Variants in DNAJA2 observed in about 807,000 individuals in gnomAD.
The protein encoded by DNAJA2 is dnaJ homolog subfamily A member 2.
In DNAJA2, 6 loss-of-function variants were observed where a neutral mutation model predicts 49.3. That is an observed-to-expected ratio of 0.12 (90% CI 0.07 to 0.24). The LOEUF (loss-of-function observed/expected upper bound fraction) is 0.24. Ranked by LOEUF, DNAJA2 falls within the 10% of genes least tolerant of loss-of-function variation. The pLI is 1.00. For missense variants in DNAJA2, 347 were observed against 516.8 expected, an observed-to-expected ratio of 0.67 and a Z score of 3.19; for synonymous variants, 160 against 172.7, an observed-to-expected ratio of 0.93 and a Z score of 0.58.
chr16:46,973,565 T>G lies in DNAJA2; in HGVS notation c.8A>C (p.Asn3Thr). 6.3e-7 allele frequency: 1 copy of G among 1,596,306 alleles called. No individual in the cohort carries two copies. The highest frequency in any genetic ancestry group is 8.5e-7 in the Non-Finnish European group (1 of 1,175,640). Reference sequence around the variant, plus strand: ...GTCGTACAGCTTCGTGTCAGCCACGTTAGCCATGGCGGCCGGCCGGGCAGT... The same window carrying G: ...GTCGTACAGCTTCGTGTCAGCCACGGTAGCCATGGCGGCCGGCCGGGCAGT... MANVADTKLYDIL... is the reference protein window; with the variant it reads MATVADTKLYDIL... The change falls in exon 1 of 9, where the codon AAC becomes ACC. Residue 3 changes from asparagine (N) to threonine (T), a missense_variant. Coordinates refer to ENST00000317089, the MANE Select transcript of DNAJA2 (RefSeq NM_005880.4).
chr16:46,965,606 G>C (rs1961957901), intron 5 of DNAJA2, among the ~76,000 whole-genome samples: 1 of 152,000 alleles, frequency 6.6e-6, no homozygotes, highest in Non-Finnish European at 1.5e-5. Flanking sequence ...GAAGGCGGGA[G>C]GATCACCTGA....
At chr16:46,967,448 C>T in intron 5 of DNAJA2, 65 bp downstream of exon 5, 1 of 1,596,778 alleles carries the variant, frequency 6.3e-7, no homozygotes, top group Non-Finnish European at 8.5e-7. Flanking sequence ...AAATTGTAAA[C>T]CTCTCCAATA....
chr16:46,956,218 C>T lies in DNAJA2; in HGVS notation c.*811G>A, dbSNP rs1961808338. 1 of 152,068 alleles carries T rather than the reference C, an allele frequency of 6.6e-6. No individual in the cohort carries two copies. The allele number at this position is 152,068 out of a possible 1,614,324, so 9.4% of individuals were successfully genotyped here. A position where few individuals can be genotyped will look rare whatever the true frequency, so the allele number is the denominator to read the frequency against. ...GGCCTCTACAGAGCATCACTGAAGC[C>T]ACTGAAGACTGTCTCTACCAGCCTT... is the stretch of plus-strand genomic sequence containing the variant. On this transcript the variant is annotated 3_prime_UTR_variant, in exon 9 of 9. Transcript: ENST00000317089.
At chr16:46,958,950 A>C in intron 8 of DNAJA2, 53 bp downstream of exon 8, 1 of 1,547,612 alleles carries the variant, frequency 6.5e-7, no homozygotes, top group Non-Finnish European at 8.7e-7. Context: ...AAAAACCAAA[A>C]ACCGAACTCC....
intron 6 of DNAJA2, among the ~76,000 whole-genome samples, chr16:46,963,841 G>A (rs928096607): frequency 6.6e-6 from 1 of 152,198 alleles, no homozygotes; most frequent in African/African-American, 2.4e-5. Context: ...AATCGACAGA[G>A]CAGCAGAGTT....
At chr16:46,958,710 C>T (rs1036791697) in intron 8 of DNAJA2, 18 of 264,454 alleles carry the variant, frequency 6.8e-5, no homozygotes, top group Middle Eastern at 1.1e-3. Context: ...ACCTGGGAGG[C>T]GGGGGGTACA....
chr16:46,967,997 A>G lies in DNAJA2; in HGVS notation c.443+87T>C, dbSNP rs566350491. On this transcript the variant is annotated intron_variant, in intron 4 of 8. Transcript: ENST00000317089. ...CGCACCCAGCCGTAAGTTTTAACTT[A>G]TAACAATTTTTACGTGGTACAGACA... The G allele has an allele frequency of 1.1e-5, 14 of 1,299,766 alleles. No individual in the cohort carries two copies. In the African/African-American group the frequency reaches 1.5e-4, roughly 14 times the overall value. The allele number at this position is 1,299,766 out of a possible 1,614,324, so 80.5% of individuals were successfully genotyped here.
intron 8 of DNAJA2, 66 bp downstream of exon 8, chr16:46,958,937 C>T (rs1361065650): frequency 6.5e-7 from 1 of 1,533,654 alleles, no homozygotes; most frequent in Non-Finnish European, 8.8e-7. Context: ...GAGACCCTGT[C>T]TAAAAAACCA....
In DNAJA2 at chr16:46,955,745, ATAAG is replaced by A. The variant is rs141198509; in HGVS notation, c.*1280_*1283del. On this transcript the variant is annotated 3_prime_UTR_variant, in exon 9 of 9. Coordinates refer to ENST00000317089, the MANE Select transcript of DNAJA2 (RefSeq NM_005880.4). ...GTGCATCTGATGTCTCTTTCCTCAA[ATAAG>A]TGTGTTCTAAAAATACCTACTGAGT... is the stretch of plus-strand genomic sequence containing the variant. 60 of 152,324 alleles carry A rather than the reference ATAAG, an allele frequency of 3.9e-4. No individual in the cohort carries two copies. The highest frequency in any genetic ancestry group is 6.6e-4 in the Non-Finnish European group (45 of 68,028). 9.4% of individuals were successfully genotyped at this position (152,324 alleles called of 1,614,324 possible). A position where few individuals can be genotyped will look rare whatever the true frequency, so the allele number is the denominator to read the frequency against.
intron 3 of DNAJA2, among the ~76,000 whole-genome samples, chr16:46,969,130 A>C (rs569856581): frequency 2.6e-5 from 4 of 152,194 alleles, no homozygotes; most frequent in Non-Finnish European, 5.9e-5. Flanking sequence ...CAGATTAGTA[A>C]TGGTCATCCC....
At chr16:46,971,040 A>T (rs1452720338) in intron 3 of DNAJA2, among the ~76,000 whole-genome samples, 2 of 151,784 alleles carry the variant, frequency 1.3e-5, no homozygotes, top group South Asian at 4.1e-4. Context: ...GGTCTCAAAA[A>T]AAAAAAAAGA....
At chr16:46,960,449 C>T (rs987754396) in intron 6 of DNAJA2, among the ~76,000 whole-genome samples, 1 of 152,186 alleles carries the variant, frequency 6.6e-6, no homozygotes, top group African/African-American at 2.4e-5. Context: ...ACAATGGGAC[C>T]AATAGTTTTT....
intron 5 of DNAJA2, 37 bp downstream of exon 5, chr16:46,967,476 T>C: frequency 6.2e-7 from 1 of 1,612,552 alleles, no homozygotes; most frequent in Non-Finnish European, 8.5e-7. Flanking sequence ...TCCCAATCCA[T>C]TCCAACATAA....
At chr16:46,958,783 A>C (rs1444993934) in intron 8 of DNAJA2, 1 of 443,250 alleles carries the variant, frequency 2.3e-6, no homozygotes, top group Admixed American at 4.0e-5. Context: ...TGTCTCAAAA[A>C]ATTTTTTTTA....
At chr16:46,957,667 A>G (rs1456606777) in intron 8 of DNAJA2, among the ~76,000 whole-genome samples, 1 of 152,124 alleles carries the variant, frequency 6.6e-6, no homozygotes, top group African/African-American at 2.4e-5. Flanking sequence ...AAGATCACAA[A>G]CTCATCACTC....
intron 6 of DNAJA2, among the ~76,000 whole-genome samples, chr16:46,962,260 T>C (rs1439407819): frequency 1.3e-5 from 2 of 152,158 alleles, no homozygotes; most frequent in African/African-American, 2.4e-5. Flanking sequence ...AGACCTTAAG[T>C]CCTTTGCCTC....
At chr16:46,964,561 A>G in intron 6 of DNAJA2, 50 bp downstream of exon 6, 1 of 1,539,758 alleles carries the variant, frequency 6.5e-7, no homozygotes. Flanking sequence ...ACAAGCAAGA[A>G]GTACTTCTGA....
Position 46,957,126 on chromosome 16 carries a change from C to G in DNAJA2, c.1142G>C (p.Gly381Ala). The G allele has an allele frequency of 6.2e-7, 1 of 1,614,180 alleles. No individual in the cohort carries two copies. The highest frequency in any genetic ancestry group is 8.5e-7 in the Non-Finnish European group (1 of 1,180,026). The change falls in exon 9 of 9, where the codon GGC (glycine) becomes GCC (alanine). Residue 381 changes from glycine (G) to alanine (A), a missense_variant. Physicochemically the swap from Gly to Ala is moderately conservative, Grantham distance 60. Transcript: ENST00000317089. ...VELQEFDSTR[G>A]SGGGQRREAY... The stretch of plus-strand genomic sequence containing the variant: ...TTCACGCCTCTGACCACCTCCTGAG[C>G]CTCGAGTGCTATCAAATTCCTGAAG...
rs747776623 is a variant in DNAJA2, at chr16:46,959,382, T to C, written c.812A>G (p.Tyr271Cys). Reference protein sequence around the residue: ...QRDGNDLHMTYKIGLVEALCG... With the variant: ...QRDGNDLHMTCKIGLVEALCG... ...TAGAGCTTCAACAAGTCCTATTTTA[T>C]ATGTCATGTGCAAATCATTCCCATC... Residue 271 changes from tyrosine (Y) to cysteine (C), a missense_variant, in exon 7 of 9, where the codon TAT (tyrosine) becomes TGT (cysteine). Coordinates refer to ENST00000317089, the MANE Select transcript of DNAJA2 (RefSeq NM_005880.4). 3 of 1,613,630 alleles carry C rather than the reference T, an allele frequency of 1.9e-6. No homozygotes were observed. Among genetic ancestry groups the C allele is most frequent in the East Asian group, 2.2e-5 (1 of 44,886 alleles).
Sources: allele counts gnomAD v4.1 joint callset (sites outside exome capture counted in the v4.1 genomes callset), GRCh38; gene constraint gnomAD v4.1.1; transcripts MANE v1.5; gene names NCBI Gene and HGNC (gene_info 2026-07-23, HGNC 2026-07-21).